Variants in PCDH11X observed in about 807,000 individuals in gnomAD.
PCDH11X encodes protocadherin 11 X-linked.
PCDH11X carries 18 observed loss-of-function variants against 53.3 expected under a neutral mutation model. The ratio of observed to expected loss-of-function variants is 0.34; its 90% CI spans 0.23 to 0.50. The LOEUF (loss-of-function observed/expected upper bound fraction) is 0.50. PCDH11X is among the 20% of genes least tolerant of loss of function. The pLI, the probability that PCDH11X is intolerant of heterozygous loss-of-function variation, is 0.98. For synonymous variants in PCDH11X, 279 were observed against 393.3 expected (o/e 0.71, Z 3.44); for missense variants, 570 against 1,032.4 (o/e 0.55, Z 6.14).
intron 10 of PCDH11X, among the ~76,000 whole-genome samples, chrX:92,502,501 C>T (rs1430250753): frequency 9.1e-6 from 1 of 109,463 alleles, no homozygotes; most frequent in Non-Finnish European, 1.9e-5. Context: ...ACCAAAACAT[C>T]ATGGTACAAG....
At chrX:91,942,405 A>G (rs1200752554) in intron 6 of PCDH11X, among the ~76,000 whole-genome samples, 1 of 110,623 alleles carries the variant, frequency 9.0e-6, no homozygotes, top group Non-Finnish European at 1.9e-5. Context: ...ACATTAAAAG[A>G]AGAAAGACGA....
At chrX:92,167,986 T>G (rs748479879) in intron 6 of PCDH11X, among the ~76,000 whole-genome samples, 2 of 104,362 alleles carry the variant, frequency 1.9e-5, no homozygotes, top group South Asian at 9.3e-4. Context: ...TGCACAAGAA[T>G]CCTTTTTCTG....
chrX:92,329,394 C>A (rs1005736571), intron 8 of PCDH11X, among the ~76,000 whole-genome samples: 15 of 111,209 alleles, frequency 1.3e-4, no homozygotes, highest in African/African-American at 4.9e-4. Context: ...TCCCTTCTCA[C>A]AACCACTATG....
chrX:92,114,098 C>T (rs1006491219), intron 6 of PCDH11X: 175 of 1,151,349 alleles, frequency 1.5e-4, no homozygotes, highest in Non-Finnish European at 6.6e-5. Context: ...TCTACTAGTG[C>T]CATGACCACC....
Position 92,569,278 on chromosome X carries a change from T to C in PCDH11X, c.3368-48986T>C, listed in dbSNP as rs774713672. 1.3e-4 allele frequency among the ~76,000 whole-genome samples: 14 copies of C among 111,497 alleles called. No homozygotes were observed. In the East Asian group the frequency reaches 3.7e-3, roughly 29 times the overall value. On this transcript the variant is annotated intron_variant, in intron 10 of 10. Transcript: ENST00000682573. The stretch of plus-strand genomic sequence containing the variant: ...ATTAAATACTTGATGAGTATTTGAA[T>C]TAAAGTAACAATACTTACTTTATAG...
At chrX:92,302,694 CATGTACT>C (rs1359930741) in intron 8 of PCDH11X, among the ~76,000 whole-genome samples, 1 of 106,954 alleles carries the variant, frequency 9.3e-6, no homozygotes, top group African/African-American at 3.4e-5. Flanking sequence ...ATGCAGCACC[CATGTACT>C]ATCTAAGAAT....
intron 6 of PCDH11X, among the ~76,000 whole-genome samples, chrX:91,981,042 A>AAT (rs1277372626): frequency 2.0e-5 from 2 of 100,219 alleles, no homozygotes; most frequent in African/African-American, 3.6e-5. Context: ...ATATACACTG[A>AAT]ATATATATAT....
At chrX:91,942,029 A>G (rs1472840543) in intron 6 of PCDH11X, among the ~76,000 whole-genome samples, 2 of 110,476 alleles carry the variant, frequency 1.8e-5, no homozygotes, top group African/African-American at 3.3e-5. Flanking sequence ...CCGTGATGCT[A>G]CTAAACCAGG....
intron 10 of PCDH11X, among the ~76,000 whole-genome samples, chrX:92,484,112 A>G (rs867274194): frequency 6.7e-5 from 5 of 75,154 alleles, no homozygotes; most frequent in East Asian, 1.5e-3. Context: ...GTGTGTGTAT[A>G]TATATAGTAT....
intron 10 of PCDH11X, among the ~76,000 whole-genome samples, chrX:92,505,152 CTTTTTTT>C (rs58620449): frequency 4.7e-5 from 3 of 64,276 alleles, no homozygotes; most frequent in Non-Finnish European, 8.3e-5. Flanking sequence ...TTTCTTTTTT[CTTTTTTT>C]TTTTTTTGTT....
At chrX:91,840,400 C>T (rs1282078186) in intron 5 of PCDH11X, among the ~76,000 whole-genome samples, 5 of 111,305 alleles carry the variant, frequency 4.5e-5, no homozygotes, top group African/African-American at 1.6e-4. Flanking sequence ...TCAAGGCCTT[C>T]CCTTGTTTCT....
chrX:92,498,413 C>T (rs2073898288), intron 10 of PCDH11X, among the ~76,000 whole-genome samples: 1 of 110,826 alleles, frequency 9.0e-6, no homozygotes, highest in Non-Finnish European at 1.9e-5. Flanking sequence ...GGTTCATTAA[C>T]AAAATGTGCT....
chrX:91,904,064 T>C (rs767419304), intron 6 of PCDH11X, among the ~76,000 whole-genome samples: 8 of 110,098 alleles, frequency 7.3e-5, no homozygotes, highest in African/African-American at 2.3e-4. Context: ...ATGTTTTACA[T>C]GTAAAGATGG....
At chrX:92,614,217 A>G (rs1465414268) in intron 10 of PCDH11X, among the ~76,000 whole-genome samples, 1 of 111,278 alleles carries the variant, frequency 9.0e-6, no homozygotes, top group African/African-American at 3.3e-5. Flanking sequence ...TATTTTTCAT[A>G]GTGCTAGAAT....
chrX:92,284,959 C>G (rs12390135), intron 8 of PCDH11X, among the ~76,000 whole-genome samples: 2 of 111,358 alleles, frequency 1.8e-5, no homozygotes, highest in Admixed American at 1.9e-4. Flanking sequence ...ACTGTGGCAT[C>G]TGGAAGCCCA....
At position 92,619,985 on chromosome X, in the gene PCDH11X, T is replaced by G. The variant is rs763724820; in HGVS notation, c.*1045T>G. 1 of 111,225 alleles carries G rather than the reference T, an allele frequency of 9.0e-6. No homozygotes were observed. Among genetic ancestry groups the G allele is most frequent in the African/African-American group, 3.3e-5 (1 of 30,629 alleles). The allele number at this position is 111,225 out of a possible 1,213,427, so 9.2% of individuals were successfully genotyped here. A position where few individuals can be genotyped will look rare whatever the true frequency, so the allele number is the denominator to read the frequency against. On this transcript the variant is annotated 3_prime_UTR_variant, in exon 11 of 11. Coordinates refer to ENST00000682573, the MANE Select transcript of PCDH11X (RefSeq NM_032968.5). ...AGTAAAAATAACAAATACATGTAAC[T>G]GTAGATAAAACCATATACTAAATCT...
At chrX:91,865,150 C>A (rs1938897184) in intron 5 of PCDH11X, among the ~76,000 whole-genome samples, 1 of 110,577 alleles carries the variant, frequency 9.0e-6, no homozygotes, top group South Asian at 3.9e-4. Context: ...TATTTATACC[C>A]ATCCTTTTTG....
chrX:92,053,629 G>A (rs1369119369), intron 6 of PCDH11X, among the ~76,000 whole-genome samples: 3 of 106,425 alleles, frequency 2.8e-5, no homozygotes, highest in African/African-American at 1.0e-4. Flanking sequence ...GGAGTACAGT[G>A]GCACAATCTC....
chrX:92,216,776 GA>G (rs1189300415), intron 7 of PCDH11X, among the ~76,000 whole-genome samples: 1 of 94,813 alleles, frequency 1.1e-5, no homozygotes, highest in Non-Finnish European at 2.1e-5. Context: ...TGAAATGAAG[GA>G]AAAAATGTTA....
Sources: allele counts gnomAD v4.1 joint callset (sites outside exome capture counted in the v4.1 genomes callset), GRCh38; gene constraint gnomAD v4.1.1; transcripts MANE v1.5; gene names NCBI Gene and HGNC (gene_info 2026-07-23, HGNC 2026-07-21).